DOCK3: variants seen among roughly 807,000 people sequenced by gnomAD.
DOCK3 encodes the protein dedicator of cytokinesis 3.
DOCK3 carries 60 observed loss-of-function variants against 265.6 expected under a neutral mutation model. That is an observed-to-expected ratio of 0.23 (90% CI 0.18 to 0.28). The LOEUF is 0.28. Among genes scored for constraint, DOCK3 ranks in the 10% least tolerant of loss-of-function variants. The pLI is 1.00. For missense variants in DOCK3, 1,981 were observed against 2,594.3 expected, an observed-to-expected ratio of 0.76 and a Z score of 5.14; for synonymous variants, 881 against 938.0, an observed-to-expected ratio of 0.94 and a Z score of 1.11.
chr3:50,766,569 G>C (rs1334809128), intron 1 of DOCK3, among the ~76,000 whole-genome samples: 1 of 152,036 alleles, frequency 6.6e-6, no homozygotes, highest in Non-Finnish European at 1.5e-5. Flanking sequence ...TGTGAATAGT[G>C]CCGCAATAAA....
intron 9 of DOCK3, among the ~76,000 whole-genome samples, chr3:51,104,674 ATT>A (rs1268714597): frequency 6.6e-6 from 1 of 152,262 alleles, no homozygotes; most frequent in Admixed American, 6.5e-5. Flanking sequence ...TAATTCCCAG[ATT>A]TACTTTAGTA....
chr3:51,202,722 G>C (rs1418133961), intron 12 of DOCK3, among the ~76,000 whole-genome samples: 4 of 151,914 alleles, frequency 2.6e-5, no homozygotes, highest in Non-Finnish European at 5.9e-5. Context: ...CCAAAAAAGA[G>C]AATTTTAGAC....
At chr3:51,027,009 T>C (rs2079851294) in intron 5 of DOCK3, among the ~76,000 whole-genome samples, 1 of 152,118 alleles carries the variant, frequency 6.6e-6, no homozygotes, top group African/African-American at 2.4e-5. Context: ...GATTTTTATT[T>C]AGTTATTATA....
At chr3:51,224,003 A>T (rs1220519650) in intron 14 of DOCK3, among the ~76,000 whole-genome samples, 1 of 152,226 alleles carries the variant, frequency 6.6e-6, no homozygotes, top group Non-Finnish European at 1.5e-5. Flanking sequence ...TCAGAATTCA[A>T]AGCAGAGGCA....
intron 4 of DOCK3, chr3:50,893,254 A>G (rs758791818): frequency 1.6e-5 from 5 of 310,784 alleles, no homozygotes; most frequent in East Asian, 1.2e-4. Flanking sequence ...TAAATATTCA[A>G]TAACAGACCC....
At chr3:51,294,783 A>AGTGGGTGCAAAGGGGT (rs1475785254) in intron 27 of DOCK3, among the ~76,000 whole-genome samples, 126 of 151,812 alleles carry the variant, frequency 8.3e-4, no homozygotes, top group African/African-American at 2.9e-3. Context: ...GAAAGGGGAG[A>AGTGGGTGCAAAGGGGT]CATTGGTCAG....
At chr3:50,737,109 G>A (rs2038684483) in intron 1 of DOCK3, among the ~76,000 whole-genome samples, 1 of 152,066 alleles carries the variant, frequency 6.6e-6, no homozygotes. Flanking sequence ...TTAGCCATTT[G>A]TCAGATGAGT....
chr3:50,748,946 G>A (rs747902877), intron 1 of DOCK3, among the ~76,000 whole-genome samples: 9 of 152,154 alleles, frequency 5.9e-5, no homozygotes, highest in Non-Finnish European at 7.4e-5. Flanking sequence ...CTTATGTGTC[G>A]TAACAAATAA....
intron 9 of DOCK3, among the ~76,000 whole-genome samples, chr3:51,133,962 G>C (rs4927964): frequency 6.6e-6 from 1 of 152,130 alleles, no homozygotes; most frequent in Non-Finnish European, 1.5e-5. Flanking sequence ...CCCAGTGTCT[G>C]TTGTTCTCCT....
chr3:51,034,020 T>C (rs528422612), intron 5 of DOCK3, among the ~76,000 whole-genome samples: 1 of 152,306 alleles, frequency 6.6e-6, no homozygotes, highest in African/African-American at 2.4e-5. Flanking sequence ...TTCAAGTTAA[T>C]GTCTTATCGT....
At chr3:50,717,868 G>A (rs1461332319) in intron 1 of DOCK3, among the ~76,000 whole-genome samples, 3 of 152,056 alleles carry the variant, frequency 2.0e-5, no homozygotes, top group Admixed American at 1.3e-4. Flanking sequence ...CAAGTGATCC[G>A]CCCACTTCAG....
At chr3:50,759,549 C>G (rs2040401692) in intron 1 of DOCK3, among the ~76,000 whole-genome samples, 2 of 151,500 alleles carry the variant, frequency 1.3e-5, no homozygotes, top group Admixed American at 1.3e-4. Context: ...TTTTAAGAAT[C>G]AATTTGGGTT....
intron 2 of DOCK3, among the ~76,000 whole-genome samples, chr3:50,826,149 G>T (rs1317165065): frequency 3.3e-5 from 5 of 151,730 alleles, no homozygotes; most frequent in African/African-American, 1.2e-4. Context: ...TTAGCCTTTT[G>T]GGGCCCCTTT....
intron 10 of DOCK3, among the ~76,000 whole-genome samples, chr3:51,153,088 C>T (rs1304324904): frequency 6.6e-6 from 1 of 152,254 alleles, no homozygotes. Flanking sequence ...TTTTGTTCAG[C>T]TATGCCCTGC....
At chr3:50,812,414 G>A (rs961541643) in intron 2 of DOCK3, among the ~76,000 whole-genome samples, 4 of 152,170 alleles carry the variant, frequency 2.6e-5, no homozygotes, top group African/African-American at 4.8e-5. Flanking sequence ...CAAGAGAAGC[G>A]TTTTGTGTGT....
intron 2 of DOCK3, chr3:50,788,100 C>A: frequency 1.3e-6 from 1 of 756,392 alleles, no homozygotes; most frequent in South Asian, 1.8e-5. Context: ...TTGGTGTCCA[C>A]AAACACAGAA....
At chr3:50,991,918 A>G (rs2078119368) in intron 5 of DOCK3, among the ~76,000 whole-genome samples, 1 of 152,240 alleles carries the variant, frequency 6.6e-6, no homozygotes, top group Admixed American at 6.5e-5. Flanking sequence ...CAGTAAAAAT[A>G]GAAGTCAAGA....
chr3:51,356,610 C>T, intron 43 of DOCK3, 117 bp downstream of exon 43: 2 of 1,004,050 alleles, frequency 2.0e-6, no homozygotes, highest in Non-Finnish European at 1.5e-6. Flanking sequence ...CTGGCCAAGG[C>T]TCCCACAGGT....
intron 2 of DOCK3, among the ~76,000 whole-genome samples, chr3:50,791,671 A>G (rs1479544776): frequency 6.6e-6 from 1 of 152,176 alleles, no homozygotes; most frequent in Non-Finnish European, 1.5e-5. Flanking sequence ...TCCCAGCACC[A>G]TTTATTGAAT....
Sources: gnomAD v4.1 joint callset for allele counts (sites outside exome capture counted in the v4.1 genomes callset) on GRCh38, gnomAD v4.1.1 for gene constraint, MANE v1.5 for transcripts, NCBI Gene and HGNC (gene_info 2026-07-23, HGNC 2026-07-21) for gene names.